The following SLC25A26 variants were observed in gnomAD, a reference collection of about 807,000 sequenced individuals.
SLC25A26 encodes mitochondrial S-adenosylmethionine carrier protein.
Under a neutral mutation model 37.8 loss-of-function variants are expected in SLC25A26, and 36 were observed. That is an observed-to-expected ratio of 0.95 (90% CI 0.73 to 1.26). The LOEUF (loss-of-function observed/expected upper bound fraction) is 1.26. SLC25A26 is among the 50% of genes most tolerant of loss of function. The probability of loss-of-function intolerance (pLI) is 0.00; values close to 1 mark genes in which losing one functional copy is unlikely to be tolerated. For synonymous variants in SLC25A26, 129 were observed against 122.5 expected (o/e 1.05, Z -0.35); for missense variants, 390 against 331.1 (o/e 1.18, Z -1.38).
chr3:66,217,386 A>G (rs953279617), upstream of SLC25A26, among the ~76,000 whole-genome samples: 1 of 152,328 alleles, frequency 6.6e-6, no homozygotes, highest in South Asian at 2.1e-4. Context: ...TCTCTCATTC[A>G]TAATATTCAG....
At chr3:66,259,323 T>C (rs959573840) in intron 3 of SLC25A26, among the ~76,000 whole-genome samples, 1 of 152,242 alleles carries the variant, frequency 6.6e-6, no homozygotes, top group African/African-American at 2.4e-5. Flanking sequence ...ACCTGTATGC[T>C]GATGACTTCC....
chr3:66,197,131 T>C (rs2071054960), intron 1 of SLC25A26, among the ~76,000 whole-genome samples: 1 of 152,180 alleles, frequency 6.6e-6, no homozygotes, highest in Admixed American at 6.6e-5. Flanking sequence ...CATTTGAGAG[T>C]AATGTGTAAG....
chr3:66,253,994 C>A (rs1171821965), intron 3 of SLC25A26, among the ~76,000 whole-genome samples: 1 of 152,198 alleles, frequency 6.6e-6, no homozygotes, highest in African/African-American at 2.4e-5. Flanking sequence ...GAGAAGACTT[C>A]CTTGTGTAGT....
chr3:66,145,291 C>T (rs990762043), intron 1 of SLC25A26, among the ~76,000 whole-genome samples: 10 of 152,126 alleles, frequency 6.6e-5, no homozygotes, highest in Non-Finnish European at 1.0e-4. Context: ...TGTTCCCAGT[C>T]GTTCTGGTGG....
chr3:66,182,726 GGGT>G (rs1424577779), intron 1 of SLC25A26, among the ~76,000 whole-genome samples: 8 of 137,606 alleles, frequency 5.8e-5, no homozygotes, highest in African/African-American at 2.1e-4. Flanking sequence ...CGGGGGGGGG[GGGT>G]GGGGTATCAG....
In SLC25A26 at chr3:66,341,783, G is replaced by A. The variant is rs571349964; in HGVS notation, c.454-4581G>A. Reference sequence around the variant, plus strand: ...GGTTAATTTCTTTTATTGGGTATATGCTCTTTTCTTTATGTACGGTGTAAA... The same window carrying A: ...GGTTAATTTCTTTTATTGGGTATATACTCTTTTCTTTATGTACGGTGTAAA... On this transcript the variant is annotated intron_variant, in intron 5 of 9. Transcript: ENST00000354883. 3.3e-5 allele frequency among the ~76,000 whole-genome samples: 5 copies of A among 152,128 alleles called. No individual in the cohort carries two copies. In the South Asian group the frequency reaches 1.0e-3, roughly 32 times the overall value.
chr3:66,234,847 T>TA (rs1167874124), intron 1 of SLC25A26, among the ~76,000 whole-genome samples: 1 of 152,228 alleles, frequency 6.6e-6, no homozygotes, highest in African/African-American at 2.4e-5. Context: ...ATGTATAGTT[T>TA]AAAAATGTGT....
At chr3:66,243,182 C>T in intron 2 of SLC25A26, 21 bp from the exon 3 acceptor site, 1 of 1,280,930 alleles carries the variant, frequency 7.8e-7, no homozygotes. Context: ...TTGTGAAAGA[C>T]TGGCTTGTTT....
chr3:66,174,251 CA>C (rs533595561), intron 1 of SLC25A26, among the ~76,000 whole-genome samples: 55 of 152,248 alleles, frequency 3.6e-4, no homozygotes, highest in African/African-American at 1.3e-3. Context: ...AACTCCTTAC[CA>C]GAGATAAGCA....
intron 1 of SLC25A26, among the ~76,000 whole-genome samples, chr3:66,207,750 C>G (rs1219801951): frequency 6.6e-6 from 1 of 152,204 alleles, no homozygotes; most frequent in African/African-American, 2.4e-5. Flanking sequence ...ATGTATTTCT[C>G]AACTTTAAAT....
At position 66,189,315 on chromosome 3, in the gene SLC25A26, AC is replaced by A. The variant is rs1256184372; in HGVS notation, c.-353-31424del. On this transcript the variant is annotated intron_variant, in intron 1 of 10. Transcript: ENST00000676754. ...CACCCTATCACTAACCCCCTCACTG[AC>A]CCTGACCCCCAACTTGATCCCCAAA... 4.5e-3 allele frequency among the ~76,000 whole-genome samples: 683 copies of A among 151,606 alleles called. 5 individuals carry two copies. The highest frequency in any genetic ancestry group is 0.016 in the African/African-American group (644 of 41,260).
At chr3:66,363,117 C>T (rs931377925) in intron 7 of SLC25A26, among the ~76,000 whole-genome samples, 188 bp downstream of exon 7, 3 of 151,456 alleles carry the variant, frequency 2.0e-5, no homozygotes, top group African/African-American at 7.3e-5. Context: ...AGGTGTCTGC[C>T]TGAAAGACAA....
At position 66,138,860 on chromosome 3, in the gene SLC25A26, T is replaced by A. The variant is rs188474737; in HGVS notation, c.-354+4876T>A. 5.2e-4 allele frequency among the ~76,000 whole-genome samples: 79 copies of A among 152,254 alleles called. No homozygotes were observed. The East Asian group carries it at 6.4e-3, about 12-fold the overall frequency. On this transcript the variant is annotated intron_variant, in intron 1 of 10. Transcript: ENST00000676754. ...CTGAGCACAGCCACTGTGTGATTAATGTGAATAGTAATGGTCCTGAGTCCA... is the reference window on the plus strand; with the variant it reads ...CTGAGCACAGCCACTGTGTGATTAAAGTGAATAGTAATGGTCCTGAGTCCA...
At chr3:66,255,798 A>G (rs1411709790) in intron 3 of SLC25A26, among the ~76,000 whole-genome samples, 2 of 152,178 alleles carry the variant, frequency 1.3e-5, no homozygotes, top group Admixed American at 6.5e-5. Flanking sequence ...TAGAAAACCA[A>G]ATGGAAGGCT....
intron 5 of SLC25A26, among the ~76,000 whole-genome samples, chr3:66,324,530 T>C (rs1029477070): frequency 2.6e-5 from 4 of 152,184 alleles, no homozygotes; most frequent in African/African-American, 9.7e-5. Flanking sequence ...TAATTTCTAA[T>C]CATGTGGCTA....
chr3:66,334,301 GCTTTGTTTGTTT>G (rs1362084095), intron 5 of SLC25A26, among the ~76,000 whole-genome samples: 133 of 152,174 alleles, frequency 8.7e-4, no homozygotes, highest in African/African-American at 3.0e-3. Context: ...CTGAACAGAA[GCTTTGTTTGTTT>G]CTTTGTTTTG....
intron 5 of SLC25A26, among the ~76,000 whole-genome samples, chr3:66,345,776 T>C (rs1381071803): frequency 6.6e-6 from 1 of 152,186 alleles, no homozygotes; most frequent in East Asian, 1.9e-4. Context: ...AAATGTCACG[T>C]CCTAAAGTGT....
At chr3:66,175,220 G>GGTTT (rs1472865113) in intron 1 of SLC25A26, among the ~76,000 whole-genome samples, 7 of 146,508 alleles carry the variant, frequency 4.8e-5, no homozygotes, top group Non-Finnish European at 1.0e-4. Flanking sequence ...ACTATATAAA[G>GGTTT]GTTTATTTAT....
rs1244229839 is a variant in SLC25A26 at position 66,378,719 on chromosome 3, A to G, written c.*912A>G. On this transcript the variant is annotated 3_prime_UTR_variant, in exon 10 of 10. Coordinates refer to ENST00000354883, the MANE Select transcript of SLC25A26 (RefSeq NM_001379210.1). Reference sequence around the variant, plus strand: ...AACAGTATGTGATTTTGCTTCGCCTATTTTTTTTTTCTTTTTTGGGGGAAG... The same window carrying G: ...AACAGTATGTGATTTTGCTTCGCCTGTTTTTTTTTTCTTTTTTGGGGGAAG... The G allele has an allele frequency of 6.7e-6, 1 of 149,924 alleles. No individual in the cohort carries two copies. The highest frequency in any genetic ancestry group is 1.5e-5 in the Non-Finnish European group (1 of 67,266). 9.3% of individuals were successfully genotyped at this position (149,924 alleles called of 1,614,324 possible). A position where few individuals can be genotyped will look rare whatever the true frequency, so the allele number is the denominator to read the frequency against.
Sources: allele counts gnomAD v4.1 joint callset (sites outside exome capture counted in the v4.1 genomes callset), GRCh38; gene constraint gnomAD v4.1.1; transcripts MANE v1.5; gene names NCBI Gene and HGNC (gene_info 2026-07-23, HGNC 2026-07-21).